ITGA11: variants seen among roughly 807,000 people sequenced by gnomAD.
ITGA11 encodes the protein integrin alpha-11.
In ITGA11, 97 loss-of-function variants were observed where a neutral mutation model predicts 141.9. That is an observed-to-expected ratio of 0.68 (90% CI 0.58 to 0.81). The LOEUF is 0.81. Among genes scored for constraint, ITGA11 ranks in the 30% least tolerant of loss-of-function variants. The pLI, the probability that ITGA11 is intolerant of heterozygous loss-of-function variation, is 0.00. For missense variants in ITGA11, 1,387 were observed against 1,559.2 expected, an observed-to-expected ratio of 0.89 and a Z score of 1.86; for synonymous variants, 658 against 624.6, an observed-to-expected ratio of 1.05 and a Z score of -0.80.
Position 68,385,637 on chromosome 15 carries a change from G to C in ITGA11, c.165-16353C>G, listed in dbSNP as rs190718418. Among the ~76,000 whole-genome samples the C allele has an allele frequency of 1.2e-3, 181 of 152,314 alleles. 2 individuals carry two copies. The Middle Eastern group carries it at 0.027, about 23-fold the overall frequency. On this transcript the variant is annotated intron_variant, in intron 2 of 29. Coordinates refer to ENST00000315757, the MANE Select transcript of ITGA11 (RefSeq NM_001004439.2). The stretch of plus-strand genomic sequence containing the variant: ...GGGTAAATATCATCTACAAAGTCTT[G>C]AGACATGAGATCTGCGATGGTGGGT...
In ITGA11 at chr15:68,321,589, C is replaced by T. The variant is rs1259104370; in HGVS notation, c.2323-86G>A. 1.8e-5 allele frequency: 13 copies of T among 739,048 alleles called. No individual in the cohort carries two copies. Among genetic ancestry groups the T allele is most frequent in the Admixed American group, 3.0e-5 (1 of 33,262 alleles). The allele number at this position is 739,048 out of a possible 1,614,324, so 45.8% of individuals were successfully genotyped here. On this transcript the variant is annotated intron_variant, in intron 18 of 29. Coordinates refer to ENST00000315757, the MANE Select transcript of ITGA11 (RefSeq NM_001004439.2). The surrounding 1 kb of genome is among the most constrained non-coding windows in gnomAD (Gnocchi z 4.9). ...ATGTACACCAGCTCTGTCTCCACCACACTAGACATGGGCTGGCTTTCCTGC... is the reference window on the plus strand; with the variant it reads ...ATGTACACCAGCTCTGTCTCCACCATACTAGACATGGGCTGGCTTTCCTGC...
chr15:68,358,436 A>G (rs1305255112), intron 6 of ITGA11, 22 bp downstream of exon 6: 2 of 1,591,634 alleles, frequency 1.3e-6, no homozygotes, highest in Non-Finnish European at 8.6e-7. Context: ...TCAGAAGTGG[A>G]AAGAGCCCAA....
intron 2 of ITGA11, among the ~76,000 whole-genome samples, chr15:68,395,249 T>TA: frequency 6.6e-6 from 1 of 152,328 alleles, no homozygotes; most frequent in South Asian, 2.1e-4. Context: ...CTGAAAACTC[T>TA]AAAAGTCAGA....
At chr15:68,418,777 C>T (rs906359072) in intron 1 of ITGA11, among the ~76,000 whole-genome samples, 2 of 151,872 alleles carry the variant, frequency 1.3e-5, no homozygotes, top group Admixed American at 6.6e-5. Context: ...TCTCAAAGAG[C>T]TCAGACAGTT....
Position 68,361,732 on chromosome 15 carries a change from C to A in ITGA11, c.358-28G>T, listed in dbSNP as rs763442616. On this transcript the variant is annotated intron_variant, in intron 4 of 29. Coordinates refer to ENST00000315757, the MANE Select transcript of ITGA11 (RefSeq NM_001004439.2). ...GGGGAGGGCAGTGCAGATCCCCAGTCAGTGAGGGGACCTCAGAGAGGATCG... is the reference window on the plus strand; with the variant it reads ...GGGGAGGGCAGTGCAGATCCCCAGTAAGTGAGGGGACCTCAGAGAGGATCG... 7 of 1,493,620 alleles carry A rather than the reference C, an allele frequency of 4.7e-6. No homozygotes were observed. The South Asian group carries it at 8.3e-5, about 18-fold the overall frequency. The allele number at this position is 1,493,620 out of a possible 1,614,324, so 92.5% of individuals were successfully genotyped here. A position where few individuals can be genotyped will look rare whatever the true frequency, so the allele number is the denominator to read the frequency against.
At chr15:68,399,037 C>T (rs1896398144) in intron 2 of ITGA11, among the ~76,000 whole-genome samples, 1 of 151,772 alleles carries the variant, frequency 6.6e-6, no homozygotes, top group Admixed American at 6.6e-5. Flanking sequence ...CAATAAAAAT[C>T]TCAGCAAATT....
chr15:68,333,914 C>T lies in ITGA11; in HGVS notation c.1426-1436G>A, dbSNP rs981851835. On this transcript the variant is annotated intron_variant, in intron 12 of 29. Transcript: ENST00000315757. The surrounding 1 kb of genome is among the most constrained non-coding windows in gnomAD (Gnocchi z 4.2). Reference sequence around the variant, plus strand: ...AAGGCCCCAGGCCTTGGCTGGCTTCCAGGCTTCCCTCTGCACAAGCTTTTC... The same window carrying T: ...AAGGCCCCAGGCCTTGGCTGGCTTCTAGGCTTCCCTCTGCACAAGCTTTTC... Among the ~76,000 whole-genome samples the T allele has an allele frequency of 6.6e-6, 1 of 152,248 alleles. No individual in the cohort carries two copies. Among genetic ancestry groups the T allele is most frequent in the Non-Finnish European group, 1.5e-5 (1 of 68,036 alleles).
At chr15:68,348,089 C>T (rs920112291) in intron 10 of ITGA11, among the ~76,000 whole-genome samples, 1 of 152,234 alleles carries the variant, frequency 6.6e-6, no homozygotes, top group African/African-American at 2.4e-5. Flanking sequence ...TATTCACAGA[C>T]ATCGACTCTT....
chr15:68,303,980 G>C lies in ITGA11; in HGVS notation c.3382-95C>G. On this transcript the variant is annotated intron_variant, in intron 28 of 29. Transcript: ENST00000315757. This position sits in a 1 kb window ranked among gnomAD's most constrained non-coding sequence, Gnocchi z 5.3. ...AGGAGGGTGGAGACAGCTGGCACCTGGTGGGGGAGCTGCATCCTCTTCCTC... is the reference window on the plus strand; with the variant it reads ...AGGAGGGTGGAGACAGCTGGCACCTCGTGGGGGAGCTGCATCCTCTTCCTC... 2.7e-6 allele frequency: 2 copies of C among 727,678 alleles called. No homozygotes were observed. Among genetic ancestry groups the C allele is most frequent in the East Asian group, 2.7e-5 (1 of 37,136 alleles). 45.1% of individuals were successfully genotyped at this position (727,678 alleles called of 1,614,324 possible).
chr15:68,350,575 G>A (rs973078977), intron 9 of ITGA11, 42 bp downstream of exon 9: 20 of 1,578,390 alleles, frequency 1.3e-5, no homozygotes, highest in Non-Finnish European at 1.7e-5. Flanking sequence ...CCTGACATAA[G>A]CCCAGGAGAG....
chr15:68,401,294 C>T (rs1167421472), intron 2 of ITGA11, among the ~76,000 whole-genome samples: 1 of 152,024 alleles, frequency 6.6e-6, no homozygotes. Flanking sequence ...AAACAAATGC[C>T]TGGCAGGTCC....
At position 68,325,503 on chromosome 15, in the gene ITGA11, G is replaced by A. The variant is rs978445072; in HGVS notation, c.2212-262C>T. On this transcript the variant is annotated intron_variant, in intron 17 of 29. Transcript: ENST00000315757. The surrounding 1 kb of genome is among the most constrained non-coding windows in gnomAD (Gnocchi z 5.5). ...TTTGCCAAGCTCCTGCACATCCTTC[G>A]GGGCCAGACTCCCATTGCCCGGGTA... Among the ~76,000 whole-genome samples, 4 of 152,112 alleles carry A rather than the reference G, an allele frequency of 2.6e-5. No homozygotes were observed. The highest frequency in any genetic ancestry group is 5.9e-5 in the Non-Finnish European group (4 of 68,026).
chr15:68,369,095 T>C, intron 3 of ITGA11, 89 bp downstream of exon 3: 1 of 883,974 alleles, frequency 1.1e-6, no homozygotes, highest in Non-Finnish European at 1.9e-6. Flanking sequence ...AAGGAGTCAG[T>C]GTGACCATGG....
intron 10 of ITGA11, among the ~76,000 whole-genome samples, chr15:68,344,662 T>C (rs1894688268): frequency 1.3e-5 from 2 of 151,852 alleles, no homozygotes; most frequent in African/African-American, 4.8e-5. Context: ...TTGATGCGCA[T>C]GGGTGATGGT....
intron 2 of ITGA11, among the ~76,000 whole-genome samples, chr15:68,380,925 G>T (rs1312433929): frequency 1.3e-5 from 2 of 152,184 alleles, no homozygotes; most frequent in African/African-American, 4.8e-5. Context: ...ACAGACGGTT[G>T]GATGCCTACA....
chr15:68,412,393 C>T (rs573690946), intron 1 of ITGA11, among the ~76,000 whole-genome samples: 11 of 152,278 alleles, frequency 7.2e-5, no homozygotes, highest in African/African-American at 2.6e-4. Flanking sequence ...CCTCCTCCTG[C>T]CTCAGCCATA....
At position 68,328,322 on chromosome 15, in the gene ITGA11, C is replaced by A. The variant is rs1272571280; in HGVS notation, c.1902-60G>T. ...AGGGGCTCAGGCTGCCCTGCTGTGACCATGGGGAAAGACAAGAACCAGATG... is the reference window on the plus strand; with the variant it reads ...AGGGGCTCAGGCTGCCCTGCTGTGAACATGGGGAAAGACAAGAACCAGATG... On this transcript the variant is annotated intron_variant, in intron 15 of 29. Coordinates refer to ENST00000315757, the MANE Select transcript of ITGA11 (RefSeq NM_001004439.2). This position sits in a 1 kb window ranked among gnomAD's most constrained non-coding sequence, Gnocchi z 4.8. 1 of 1,507,664 alleles carries A rather than the reference C, an allele frequency of 6.6e-7. No homozygotes were observed. Among genetic ancestry groups the A allele is most frequent in the Non-Finnish European group, 9.1e-7 (1 of 1,103,120 alleles). 93.4% of individuals were successfully genotyped at this position (1,507,664 alleles called of 1,614,324 possible). A position where few individuals can be genotyped will look rare whatever the true frequency, so the allele number is the denominator to read the frequency against.
At chr15:68,373,175 C>A (rs74512261) in intron 2 of ITGA11, among the ~76,000 whole-genome samples, 1 of 152,190 alleles carries the variant, frequency 6.6e-6, no homozygotes, top group African/African-American at 2.4e-5. Context: ...CGGTGATTAC[C>A]CTGGCCTTTC....
chr15:68,420,517 G>A (rs1346861424), intron 1 of ITGA11, among the ~76,000 whole-genome samples: 1 of 152,160 alleles, frequency 6.6e-6, no homozygotes, highest in Non-Finnish European at 1.5e-5. Context: ...CTTCTTGTCT[G>A]GAAAGAAAGC....
Sources: gnomAD v4.1 joint callset for allele counts (sites outside exome capture counted in the v4.1 genomes callset) on GRCh38, gnomAD v4.1.1 for gene constraint, Gnocchi (gnomAD v3.1) non-coding constraint, MANE v1.5 for transcripts, NCBI Gene and HGNC (gene_info 2026-07-23, HGNC 2026-07-21) for gene names.